FGFR2: variants seen among roughly 807,000 people sequenced by gnomAD.
FGFR2 encodes the protein BEK fibroblast growth factor receptor.
A neutral mutation model predicts 95.9 loss-of-function variants in FGFR2; 19 were observed. The observed-to-expected ratio is 0.20, with a 90% CI of 0.14 to 0.29. FGFR2 has a LOEUF of 0.29. Ranked by LOEUF, FGFR2 falls within the 10% of genes least tolerant of loss-of-function variation. The pLI, the probability that FGFR2 is intolerant of heterozygous loss-of-function variation, is 1.00. For synonymous variants in FGFR2, 392 were observed against 393.3 expected, an observed-to-expected ratio of 1.00 and a Z score of 0.04; for missense variants, 707 against 1,056.9, an observed-to-expected ratio of 0.67 and a Z score of 4.59.
chr10:121,486,643 T>C (rs942156921), intron 15 of FGFR2, among the ~76,000 whole-genome samples: 1 of 152,194 alleles, frequency 6.6e-6, no homozygotes, highest in Non-Finnish European at 1.5e-5. Flanking sequence ...GGTTTCACCA[T>C]GTTGGCCAGG....
At chr10:121,490,154 C>CTTTTTTTT (rs55633189) in intron 13 of FGFR2, among the ~76,000 whole-genome samples, 2 of 79,992 alleles carry the variant, frequency 2.5e-5, no homozygotes, top group African/African-American at 1.0e-4. Flanking sequence ...ACTTTTCCTT[C>CTTTTTTTT]TTTTTTTTTT....
chr10:121,515,196 G>A lies in FGFR2; in HGVS notation c.1208C>T (p.Thr403Met), dbSNP rs753437208. The A allele has an allele frequency of 1.3e-5, 21 of 1,614,044 alleles. No individual in the cohort carries two copies. The highest frequency in any genetic ancestry group is 8.0e-5 in the African/African-American group (6 of 74,908). ...GCTGCTGAAGTCTGGCTTCTTGGTC[G>A]TGTTCTTCATTCGGCACAGGATGAC... ...VTVILCRMKN[T>M]TKKPDFSSQP... Residue 403 changes from threonine to methionine, a missense_variant, in exon 9 of 18, where the codon ACG (threonine) becomes ATG (methionine). Thr to Met is a moderately conservative substitution (Grantham distance 81, BLOSUM62 -1). Transcript: ENST00000358487.
chr10:121,500,690 GA>G (rs1388489273), intron 11 of FGFR2, 135 bp downstream of exon 11: 2 of 1,255,784 alleles, frequency 1.6e-6, no homozygotes, highest in African/African-American at 2.9e-5. Context: ...GATTTATACC[GA>G]AAACTTCTCA....
At chr10:121,537,641 C>A (rs771787975) in intron 6 of FGFR2, among the ~76,000 whole-genome samples, 2 of 152,210 alleles carry the variant, frequency 1.3e-5, no homozygotes, top group Non-Finnish European at 2.9e-5. Context: ...CCAACAGTCA[C>A]ATTACGGCAA....
At chr10:121,515,903 T>C (rs1404483330) in intron 8 of FGFR2, among the ~76,000 whole-genome samples, 1 of 150,708 alleles carries the variant, frequency 6.6e-6, no homozygotes, top group Admixed American at 6.6e-5. Flanking sequence ...AACCAATGCA[T>C]TAAATACACA....
rs1275652889 is a variant in FGFR2 at position 121,485,742 on chromosome 10, A to G, written c.2058-210T>C. On this transcript the variant is annotated intron_variant, in intron 15 of 17. Transcript: ENST00000358487. This position sits in a 1 kb window ranked among gnomAD's most constrained non-coding sequence, Gnocchi z 4.2. ...GATGTGCTGATGGAATTTTCCATCA[A>G]TAGACAAAAAGGCAAACTGCCATCA... is the stretch of plus-strand genomic sequence containing the variant. Among the ~76,000 whole-genome samples the G allele has an allele frequency of 6.6e-6, 1 of 152,230 alleles. No homozygotes were observed. The highest frequency in any genetic ancestry group is 1.5e-5 in the Non-Finnish European group (1 of 68,046).
chr10:121,483,559 A>C, intron 17 of FGFR2, 139 bp downstream of exon 17: 1 of 682,434 alleles, frequency 1.5e-6, no homozygotes, highest in Admixed American at 2.3e-5. Context: ...CCCATAGTTG[A>C]ACTATCTGAC....
rs1852107430 is a variant in FGFR2, at chr10:121,531,782, C to T, written c.748+6810G>A. On this transcript the variant is annotated intron_variant, in intron 6 of 17. Transcript: ENST00000358487. This position sits in a 1 kb window ranked among gnomAD's most constrained non-coding sequence, Gnocchi z 4.5. The stretch of plus-strand genomic sequence containing the variant: ...CTCTCCACGTAATTTCCACCTGAAC[C>T]TCCAGAGAGGGCATCTGGCACAGAG... Among the ~76,000 whole-genome samples, 1 of 152,248 alleles carries T rather than the reference C, an allele frequency of 6.6e-6. No homozygotes were observed. The highest frequency in any genetic ancestry group is 3.4e-3 in the Middle Eastern group (1 of 294).
intron 12 of FGFR2, among the ~76,000 whole-genome samples, chr10:121,497,524 G>A (rs1004044506): frequency 3.3e-5 from 5 of 152,098 alleles, no homozygotes; most frequent in Admixed American, 6.5e-5. Flanking sequence ...ATACTGTATC[G>A]TATAAACACA....
intron 2 of FGFR2, among the ~76,000 whole-genome samples, chr10:121,567,594 C>CA (rs1857879347): frequency 6.6e-6 from 1 of 152,136 alleles, no homozygotes; most frequent in Admixed American, 6.5e-5. Flanking sequence ...ACAAAATCTA[C>CA]AAAAAATACA....
intron 13 of FGFR2, among the ~76,000 whole-genome samples, chr10:121,495,429 G>A (rs532331062): frequency 1.9e-4 from 29 of 152,198 alleles, no homozygotes; most frequent in Non-Finnish European, 2.5e-4. Flanking sequence ...TCAGGAGGTT[G>A]AGGTGGGAGG....
intron 5 of FGFR2, among the ~76,000 whole-genome samples, chr10:121,548,825 G>A (rs1385963681): frequency 3.3e-5 from 5 of 152,096 alleles, no homozygotes; most frequent in Non-Finnish European, 5.9e-5. Flanking sequence ...CCCAGGGGCC[G>A]TGATTTTAGT....
intron 6 of FGFR2, among the ~76,000 whole-genome samples, chr10:121,535,962 T>C (rs548031642): frequency 5.9e-5 from 9 of 152,310 alleles, no homozygotes; most frequent in South Asian, 2.1e-4. Flanking sequence ...CTATGTATCA[T>C]AGAAACAAAA....
At chr10:121,490,574 A>G (rs1202188643) in intron 13 of FGFR2, among the ~76,000 whole-genome samples, 1 of 152,194 alleles carries the variant, frequency 6.6e-6, no homozygotes, top group Non-Finnish European at 1.5e-5. Flanking sequence ...GTCTCCAATC[A>G]TCACCTTCTA....
At chr10:121,575,002 C>T (rs1181528845) in intron 2 of FGFR2, among the ~76,000 whole-genome samples, 4 of 152,242 alleles carry the variant, frequency 2.6e-5, no homozygotes, top group Non-Finnish European at 4.4e-5. Context: ...ATGCCGGTAA[C>T]AACAGCTAAC....
chr10:121,561,254 G>A (rs1425987162), intron 4 of FGFR2, among the ~76,000 whole-genome samples: 8 of 151,902 alleles, frequency 5.3e-5, no homozygotes, highest in Middle Eastern at 3.4e-3. Flanking sequence ...GAGAAACCCC[G>A]TCTCTACTAA....
chr10:121,550,104 T>A (rs527797196), intron 5 of FGFR2, among the ~76,000 whole-genome samples: 1 of 152,362 alleles, frequency 6.6e-6, no homozygotes, highest in South Asian at 2.1e-4. Context: ...AAATTCCATC[T>A]CTCTCTTTCT....
intron 1 of FGFR2, among the ~76,000 whole-genome samples, chr10:121,594,444 T>C (rs1260865919): frequency 6.6e-6 from 1 of 152,248 alleles, no homozygotes; most frequent in Non-Finnish European, 1.5e-5. Context: ...CACAGCTCCG[T>C]ATTTCTGCTG....
chr10:121,548,002 C>T (rs1387265001), intron 5 of FGFR2, among the ~76,000 whole-genome samples: 1 of 152,120 alleles, frequency 6.6e-6, no homozygotes, highest in Admixed American at 6.5e-5. Flanking sequence ...TTTCAAGTCC[C>T]GGAAGCCCTT....
Sources: allele counts gnomAD v4.1 joint callset (sites outside exome capture counted in the v4.1 genomes callset), GRCh38; gene constraint gnomAD v4.1.1; non-coding constraint Gnocchi (gnomAD v3.1); transcripts MANE v1.5; gene names NCBI Gene and HGNC (gene_info 2026-07-23, HGNC 2026-07-21).